PTPRM: variants seen among roughly 807,000 people sequenced by gnomAD.
PTPRM encodes the protein receptor-type tyrosine-protein phosphatase mu.
Under a neutral mutation model 186.7 loss-of-function variants are expected in PTPRM, and 47 were observed. The observed-to-expected ratio is 0.25, with a 90% CI of 0.20 to 0.32. The LOEUF (loss-of-function observed/expected upper bound fraction) is 0.32, where lower values mean the gene tolerates loss of function less well. PTPRM is among the 10% of genes least tolerant of loss of function. PTPRM has a pLI of 1.00. For synonymous variants in PTPRM, 668 were observed against 674.9 expected, an observed-to-expected ratio of 0.99 and a Z score of 0.16; for missense variants, 1,494 against 1,865.0, an observed-to-expected ratio of 0.80 and a Z score of 3.66.
At chr18:8,360,686 T>C (rs2095592130) in intron 23 of PTPRM, 1 of 152,088 alleles carries the variant, frequency 6.6e-6, no homozygotes, top group African/African-American at 2.4e-5. Flanking sequence ...GGATGAACAG[T>C]GGGGAACACT....
intron 7 of PTPRM, among the ~76,000 whole-genome samples, chr18:7,997,770 G>A (rs78748068): frequency 0.015 from 2,252 of 152,118 alleles, 58 homozygotes; most frequent in African/African-American, 0.052. Flanking sequence ...GCAGCTGTAC[G>A]AAAAAAATGC....
intron 1 of PTPRM, among the ~76,000 whole-genome samples, chr18:7,612,530 G>T (rs2037702233): frequency 6.6e-6 from 1 of 152,206 alleles, no homozygotes; most frequent in Non-Finnish European, 1.5e-5. Context: ...GATTTTATCA[G>T]CCTTGGACCC....
chr18:8,372,054 T>TATATATATATATATATATATATA (rs1568850546), intron 24 of PTPRM, among the ~76,000 whole-genome samples: 11 of 98,120 alleles, frequency 1.1e-4, no homozygotes, highest in African/African-American at 3.8e-4. Flanking sequence ...CCACTCTATA[T>TATATATATATATATATATATATA]TCTTTTTTTT....
At chr18:8,179,604 G>C (rs2093544008) in intron 14 of PTPRM, among the ~76,000 whole-genome samples, 1 of 151,890 alleles carries the variant, frequency 6.6e-6, no homozygotes, top group African/African-American at 2.4e-5. Context: ...CAGGTAGCTG[G>C]GACTACAGGC....
chr18:8,252,282 T>TTA (rs1286886738), intron 17 of PTPRM, among the ~76,000 whole-genome samples: 1 of 152,260 alleles, frequency 6.6e-6, no homozygotes, highest in Non-Finnish European at 1.5e-5. Context: ...CTCCTTTTTG[T>TTA]TATGGAGTAC....
chr18:8,066,590 ACAG>A (rs1398102375), intron 7 of PTPRM, among the ~76,000 whole-genome samples: 2 of 152,224 alleles, frequency 1.3e-5, no homozygotes, highest in African/African-American at 4.8e-5. Flanking sequence ...ATTAGTAGGC[ACAG>A]CAGAACTACA....
intron 1 of PTPRM, among the ~76,000 whole-genome samples, chr18:7,675,550 G>A (rs1381065701): frequency 1.3e-5 from 2 of 152,108 alleles, no homozygotes; most frequent in Admixed American, 6.6e-5. Flanking sequence ...TGTCAGGACA[G>A]AATAAACATT....
Position 7,984,322 on chromosome 18 carries a change from T to G in PTPRM, c.1132+28908T>G, listed in dbSNP as rs78423203. 5.5e-3 allele frequency among the ~76,000 whole-genome samples: 837 copies of G among 151,832 alleles called. 8 individuals carry two copies. The highest frequency in any genetic ancestry group is 0.019 in the African/African-American group (799 of 41,400). ...TCCTCATTTTCCAAGTCAGGAAGCT[T>G]GGGTTCAAAGAGGTTAAATGGTATT... On this transcript the variant is annotated intron_variant, in intron 7 of 32. Coordinates refer to ENST00000580170, the MANE Select transcript of PTPRM (RefSeq NM_001105244.2).
chr18:8,075,683 C>CA (rs1051910226), intron 8 of PTPRM, among the ~76,000 whole-genome samples: 1 of 151,964 alleles, frequency 6.6e-6, no homozygotes, highest in Non-Finnish European at 1.5e-5. Flanking sequence ...TGAAAAATGG[C>CA]ATCAAACTTC....
At position 8,023,490 on chromosome 18, in the gene PTPRM, T is replaced by C. The variant is rs543772245; in HGVS notation, c.1133-46196T>C. ...TGGATATAGTTTTCATTTTAAATAGTGTAAGTTTGCATTCATAACTTGGCA... is the reference window on the plus strand; with the variant it reads ...TGGATATAGTTTTCATTTTAAATAGCGTAAGTTTGCATTCATAACTTGGCA... On this transcript the variant is annotated intron_variant, in intron 7 of 32. Coordinates refer to ENST00000580170, the MANE Select transcript of PTPRM (RefSeq NM_001105244.2). Among the ~76,000 whole-genome samples, 5 of 152,324 alleles carry C rather than the reference T, an allele frequency of 3.3e-5. No homozygotes were observed. The South Asian group carries it at 1.0e-3, about 32-fold the overall frequency.
intron 14 of PTPRM, among the ~76,000 whole-genome samples, chr18:8,165,609 G>T (rs2093310904): frequency 6.6e-6 from 1 of 152,178 alleles, no homozygotes; most frequent in African/African-American, 2.4e-5. Flanking sequence ...CCAGATTCTT[G>T]CAGTCTCAAG....
chr18:8,168,907 T>C (rs1022467929), intron 14 of PTPRM, among the ~76,000 whole-genome samples: 3 of 152,222 alleles, frequency 2.0e-5, no homozygotes, highest in Non-Finnish European at 2.9e-5. Context: ...CCATGGTAGA[T>C]AGTTTATGAA....
intron 11 of PTPRM, among the ~76,000 whole-genome samples, chr18:8,100,651 A>T (rs1278807970): frequency 6.6e-6 from 1 of 152,182 alleles, no homozygotes; most frequent in Non-Finnish European, 1.5e-5. Context: ...CACCCTGTAA[A>T]TTCTCTAAGT....
chr18:8,313,237 C>G (rs1410683624), intron 20 of PTPRM, among the ~76,000 whole-genome samples: 1 of 152,204 alleles, frequency 6.6e-6, no homozygotes, highest in Non-Finnish European at 1.5e-5. Flanking sequence ...TCCCACTGCT[C>G]TAGCAACATT....
chr18:7,672,357 C>T (rs2039236511), intron 1 of PTPRM, among the ~76,000 whole-genome samples: 1 of 151,884 alleles, frequency 6.6e-6, no homozygotes, highest in African/African-American at 2.4e-5. Flanking sequence ...ATTTGGTTGG[C>T]TTTACTAAAA....
chr18:7,988,062 G>A (rs925913353), intron 7 of PTPRM, among the ~76,000 whole-genome samples: 4 of 150,962 alleles, frequency 2.6e-5, no homozygotes, highest in Non-Finnish European at 5.9e-5. Context: ...GCATGTGCCT[G>A]TCCTCCCAGT....
intron 14 of PTPRM, among the ~76,000 whole-genome samples, chr18:8,200,345 G>T (rs576794258): frequency 1.8e-4 from 28 of 152,206 alleles, no homozygotes; most frequent in African/African-American, 6.5e-4. Context: ...GTCATGTGGG[G>T]CAAAACCAGG....
intron 23 of PTPRM, among the ~76,000 whole-genome samples, chr18:8,345,956 G>T (rs181608321): frequency 3.9e-5 from 6 of 152,240 alleles, no homozygotes; most frequent in South Asian, 4.2e-4. Flanking sequence ...TATTACAAAG[G>T]GTATAATAAG....
intron 1 of PTPRM, among the ~76,000 whole-genome samples, chr18:7,753,209 A>G (rs1449329347): frequency 1.3e-5 from 2 of 152,130 alleles, no homozygotes; most frequent in Non-Finnish European, 2.9e-5. Flanking sequence ...GAAAGAAAAA[A>G]ATTGAGGTGG....
Sources: allele counts gnomAD v4.1 joint callset (sites outside exome capture counted in the v4.1 genomes callset), GRCh38; gene constraint gnomAD v4.1.1; transcripts MANE v1.5; gene names NCBI Gene and HGNC (gene_info 2026-07-23, HGNC 2026-07-21).